Variants in RPRD1B observed in about 807,000 individuals in gnomAD.
RPRD1B encodes the protein regulation of nuclear pre-mRNA domain containing 1B.
In RPRD1B, 11 loss-of-function variants were observed where a neutral mutation model predicts 41.5. The ratio of observed to expected loss-of-function variants is 0.27; its 90% CI spans 0.17 to 0.44. RPRD1B has a LOEUF of 0.44. Ranked by LOEUF, RPRD1B falls within the 20% of genes least tolerant of loss-of-function variation. The pLI is 1.00. For synonymous variants in RPRD1B, 158 were observed against 155.6 expected, an observed-to-expected ratio of 1.02 and a Z score of -0.12; for missense variants, 248 against 389.9, an observed-to-expected ratio of 0.64 and a Z score of 3.06.
intron 1 of RPRD1B, among the ~76,000 whole-genome samples, chr20:38,039,113 G>A (rs913213259): frequency 3.9e-5 from 6 of 152,178 alleles, no homozygotes; most frequent in Non-Finnish European, 8.8e-5. Flanking sequence ...CAAAGCAACT[G>A]TAACTCAGAC....
chr20:38,088,518 C>T (rs901914447), intron 6 of RPRD1B, among the ~76,000 whole-genome samples: 4 of 152,172 alleles, frequency 2.6e-5, no homozygotes, highest in Non-Finnish European at 5.9e-5. Flanking sequence ...TCAGCAGGGG[C>T]CCAGCGTCAG....
Position 38,091,810 on chromosome 20 carries a change from C to T in RPRD1B, c.*1935C>T. The T allele has an allele frequency of 1.0e-6, 1 of 985,680 alleles. No homozygotes were observed. Among genetic ancestry groups the T allele is most frequent in the East Asian group, 1.1e-4 (1 of 8,806 alleles). 61.1% of individuals were successfully genotyped at this position (985,680 alleles called of 1,614,324 possible). Reference sequence around the variant, plus strand: ...GAAAATATAGCAGAATGGATTTAGCCCACTGCTCTGTTTTATCCAACTGAG... The same window carrying T: ...GAAAATATAGCAGAATGGATTTAGCTCACTGCTCTGTTTTATCCAACTGAG... On this transcript the variant is annotated 3_prime_UTR_variant, in exon 7 of 7. Coordinates refer to ENST00000373433, the MANE Select transcript of RPRD1B (RefSeq NM_021215.4).
At chr20:38,042,156 G>C (rs768655921) in intron 2 of RPRD1B, among the ~76,000 whole-genome samples, 3 of 152,180 alleles carry the variant, frequency 2.0e-5, no homozygotes, top group African/African-American at 4.8e-5. Flanking sequence ...AAAAATTCCA[G>C]CCTGGGCAGC....
chr20:38,057,486 A>T (rs113748368), intron 3 of RPRD1B, 46 bp from the exon 4 acceptor site: 7 of 1,350,598 alleles, frequency 5.2e-6, no homozygotes, highest in African/African-American at 1.4e-5. Context: ...GTGACTTATC[A>T]CTACAGGATA....
intron 6 of RPRD1B, among the ~76,000 whole-genome samples, chr20:38,067,765 T>C (rs2074371844): frequency 6.6e-6 from 1 of 152,200 alleles, no homozygotes; most frequent in African/African-American, 2.4e-5. Context: ...CAGACGGTCA[T>C]TTATCTGAAA....
In RPRD1B at chr20:38,090,325, C is replaced by CG. The variant is rs2074602515; in HGVS notation, c.*451dup. The stretch of plus-strand genomic sequence containing the variant: ...TCCACTAAGGCACTTGTCCTGGAGA[C>CG]GTTGGCTTTCCCAGCTGCATCTGCC... On this transcript the variant is annotated 3_prime_UTR_variant, in exon 7 of 7. Transcript: ENST00000373433. 2.0e-6 allele frequency: 2 copies of CG among 986,628 alleles called. No individual in the cohort carries two copies. The highest frequency in any genetic ancestry group is 9.4e-5 in the South Asian group (2 of 21,336). The allele number at this position is 986,628 out of a possible 1,614,324, so 61.1% of individuals were successfully genotyped here.
chr20:38,092,215 G>A lies in RPRD1B; in HGVS notation c.*2340G>A. On this transcript the variant is annotated 3_prime_UTR_variant, in exon 7 of 7. Transcript: ENST00000373433. ...CTTCAATCTTCCCTTGTTTTTGTTT[G>A]TTTGTTTTTCTTAAAGAATATTTTC... The A allele has an allele frequency of 1.0e-6, 1 of 985,350 alleles. No homozygotes were observed. The highest frequency in any genetic ancestry group is 6.2e-5 in the Admixed American group (1 of 16,254). The allele number at this position is 985,350 out of a possible 1,614,324, so 61.0% of individuals were successfully genotyped here.
At chr20:38,087,299 G>T (rs890202907) in intron 6 of RPRD1B, among the ~76,000 whole-genome samples, 3 of 152,200 alleles carry the variant, frequency 2.0e-5, no homozygotes, top group Non-Finnish European at 4.4e-5. Context: ...GAGAGAGTTA[G>T]TTGAACTTAA....
rs1042176562 is a variant in RPRD1B, at chr20:38,079,921, G to A, written c.832-9805G>A. On this transcript the variant is annotated intron_variant, in intron 6 of 6. Transcript: ENST00000373433. ...GACTCTTTAATAGCCATTCTGATTG[G>A]TATGAGATGGTATCTCATTGTGGTT... Among the ~76,000 whole-genome samples the A allele has an allele frequency of 2.0e-5, 3 of 152,176 alleles. No individual in the cohort carries two copies. In the South Asian group the frequency reaches 6.2e-4, roughly 32 times the overall value.
At chr20:38,037,202 C>G (rs1329456363) in intron 1 of RPRD1B, among the ~76,000 whole-genome samples, 2 of 152,096 alleles carry the variant, frequency 1.3e-5, no homozygotes, top group Non-Finnish European at 2.9e-5. Context: ...TGTTGTCTTT[C>G]CATTTTCTAG....
intron 6 of RPRD1B, among the ~76,000 whole-genome samples, chr20:38,079,532 A>G (rs1289411131): frequency 2.0e-5 from 3 of 152,150 alleles, no homozygotes; most frequent in East Asian, 3.8e-4. Flanking sequence ...TGCCTCATCC[A>G]TGTTGCTGCA....
At chr20:38,055,298 T>G (rs1018033245) in intron 3 of RPRD1B, among the ~76,000 whole-genome samples, 4 of 152,246 alleles carry the variant, frequency 2.6e-5, no homozygotes, top group Admixed American at 1.3e-4. Context: ...AAGGGTTGCC[T>G]TCTTCTGGTA....
At chr20:38,074,554 TG>T (rs1283541467) in intron 6 of RPRD1B, among the ~76,000 whole-genome samples, 1 of 152,250 alleles carries the variant, frequency 6.6e-6, no homozygotes, top group Non-Finnish European at 1.5e-5. Flanking sequence ...TTTTCATATT[TG>T]TAGCCCAACT....
intron 6 of RPRD1B, among the ~76,000 whole-genome samples, chr20:38,081,956 G>A (rs559708251): frequency 6.6e-6 from 1 of 152,166 alleles, no homozygotes; most frequent in Non-Finnish European, 1.5e-5. Flanking sequence ...TGGATTTGGT[G>A]TGCTAGTATT....
chr20:38,040,217 C>T (rs1285893971), intron 1 of RPRD1B, among the ~76,000 whole-genome samples: 1 of 151,024 alleles, frequency 6.6e-6, no homozygotes, highest in Non-Finnish European at 1.5e-5. Context: ...AACAACACAG[C>T]AATGAAGATG....
intron 1 of RPRD1B, among the ~76,000 whole-genome samples, chr20:38,034,741 C>G (rs180981497): frequency 6.6e-6 from 1 of 152,328 alleles, no homozygotes; most frequent in Admixed American, 6.5e-5. Flanking sequence ...CTCCTCTCCT[C>G]TCTCATGCAG....
intron 6 of RPRD1B, among the ~76,000 whole-genome samples, chr20:38,073,626 A>T (rs150386330): frequency 1.3e-5 from 2 of 152,162 alleles, no homozygotes; most frequent in Admixed American, 1.3e-4. Flanking sequence ...TTTTGTTTCA[A>T]TATTAGGCCA....
intron 6 of RPRD1B, among the ~76,000 whole-genome samples, chr20:38,089,331 G>GTT (rs1212239442): frequency 6.6e-6 from 1 of 151,718 alleles, no homozygotes; most frequent in Non-Finnish European, 1.5e-5. Flanking sequence ...TAACTTCAGT[G>GTT]TTTTTTTTCT....
intron 6 of RPRD1B, among the ~76,000 whole-genome samples, chr20:38,075,317 T>A (rs1441472789): frequency 8.5e-5 from 13 of 152,240 alleles, no homozygotes; most frequent in African/African-American, 3.1e-4. Flanking sequence ...GGATTAGTCT[T>A]TTGTTTTATG....
Sources: allele counts gnomAD v4.1 joint callset (sites outside exome capture counted in the v4.1 genomes callset), GRCh38; gene constraint gnomAD v4.1.1; transcripts MANE v1.5; gene names NCBI Gene and HGNC (gene_info 2026-07-23, HGNC 2026-07-21).